The following RARS2 variants were observed in gnomAD, a reference collection of about 807,000 sequenced individuals.
RARS2 encodes the protein arginyl-tRNA synthetase 2, mitochondrial.
Under a neutral mutation model 88.5 loss-of-function variants are expected in RARS2, and 67 were observed. The observed-to-expected ratio is 0.76, with a 90% confidence interval of 0.62 to 0.93. The LOEUF is 0.93. Among genes scored for constraint, RARS2 ranks in the 40% least tolerant of loss-of-function variants. RARS2 has a pLI of 0.00. For missense variants in RARS2, 664 were observed against 684.2 expected (o/e 0.97, Z 0.33); for synonymous variants, 239 against 230.3 (o/e 1.04, Z -0.34).
In RARS2 at chr6:87,532,758, G is replaced by C. The variant is rs529387366; in HGVS notation, c.613-1816C>G. On this transcript the variant is annotated intron_variant, in intron 8 of 19. Transcript: ENST00000369536. ...GTGAATCACAGAATCGGGGGGAGGA[G>C]TGGTCTTAGGATACCTGACACATCA... Among the ~76,000 whole-genome samples the C allele has an allele frequency of 8.3e-4, 126 of 152,258 alleles. 1 individual carries two copies. Among genetic ancestry groups the C allele is most frequent in the Non-Finnish European group, 2.5e-4 (17 of 68,026 alleles).
intron 5 of RARS2, among the ~76,000 whole-genome samples, chr6:87,550,131 T>C (rs1222249273): frequency 2.0e-5 from 3 of 152,178 alleles, no homozygotes; most frequent in African/African-American, 7.2e-5. Flanking sequence ...TATTTAATCA[T>C]TGTTTAGAAA....
At chr6:87,583,675 C>T (rs139358817) in intron 1 of RARS2, among the ~76,000 whole-genome samples, 3 of 151,958 alleles carry the variant, frequency 2.0e-5, no homozygotes, top group East Asian at 3.9e-4. Flanking sequence ...ATCTACATTC[C>T]ATCATTATTT....
chr6:87,579,084 G>A (rs892102237), intron 1 of RARS2, among the ~76,000 whole-genome samples: 11 of 150,724 alleles, frequency 7.3e-5, no homozygotes, highest in Non-Finnish European at 1.0e-4. Context: ...ACATCTATAC[G>A]GTAGCTAAAT....
rs1428008906 is a variant in RARS2 at position 87,530,902 on chromosome 6, C to A, written c.653G>T (p.Ser218Ile). 6.2e-7 allele frequency: 1 copy of A among 1,614,166 alleles called. No homozygotes were observed. The highest frequency in any genetic ancestry group is 8.5e-7 in the Non-Finnish European group (1 of 1,180,018). Residue 218 changes from serine (S) to isoleucine (I), a missense_variant, in exon 9 of 20, where the codon AGT becomes ATT. By Grantham distance (142) the Ser-to-Ile change is moderately radical. Coordinates refer to ENST00000369536, the MANE Select transcript of RARS2 (RefSeq NM_020320.5). ...QVNKEAADDK[S>I]VAKAAQEFFQ... ...GAACTCCTGTGCTGCTTTTGCTACA[C>A]TTTTATCATCTGCTGCTTCTTTATT...
intron 6 of RARS2, among the ~76,000 whole-genome samples, chr6:87,547,138 T>C (rs1439049911): frequency 1.3e-5 from 2 of 152,242 alleles, no homozygotes; most frequent in African/African-American, 4.8e-5. Context: ...ACACAGCATG[T>C]TAAGTTCTCA....
At position 87,545,635 on chromosome 6, in the gene RARS2, G is replaced by A. The variant is rs140354649; in HGVS notation, c.516C>T (p.Gly172=). Residue 172 remains glycine, a synonymous_variant, in exon 7 of 20, where the codon GGC becomes GGT. Transcript: ENST00000369536. The part of the protein sequence containing the change: ...GHQVIRINYL[G]DWGMQFGLLG... ...ACTTACCAAACTGCATGCCCCAATC[G>A]CCAAGGTAATTTATTCTTATTACTT... 20 of 1,613,510 alleles carry A rather than the reference G, an allele frequency of 1.2e-5. 1 individual carries two copies. The highest frequency in any genetic ancestry group is 6.6e-5 in the South Asian group (6 of 91,068).
intron 5 of RARS2, among the ~76,000 whole-genome samples, chr6:87,552,286 T>C (rs1784574129): frequency 6.6e-6 from 1 of 152,206 alleles, no homozygotes; most frequent in Non-Finnish European, 1.5e-5. Context: ...ACCTCTCTCA[T>C]TTTCAGAAGA....
intron 5 of RARS2, among the ~76,000 whole-genome samples, chr6:87,554,876 G>T (rs1785330064): frequency 6.6e-6 from 1 of 152,136 alleles, no homozygotes; most frequent in Non-Finnish European, 1.5e-5. Flanking sequence ...GCTGAGATGG[G>T]CAGATCACGA....
At chr6:87,524,245 T>A (rs576941713) in intron 11 of RARS2, among the ~76,000 whole-genome samples, 18 of 152,140 alleles carry the variant, frequency 1.2e-4, no homozygotes, top group Non-Finnish European at 2.9e-5. Flanking sequence ...GAAAAAAAAA[T>A]GTGACATGGC....
At chr6:87,579,268 C>T (rs948150608) in intron 1 of RARS2, among the ~76,000 whole-genome samples, 4 of 152,080 alleles carry the variant, frequency 2.6e-5, no homozygotes, top group Non-Finnish European at 4.4e-5. Flanking sequence ...ACCCGCCTGG[C>T]TCCCATGTGC....
chr6:87,562,300 T>C (rs1352027247), intron 4 of RARS2, among the ~76,000 whole-genome samples: 2 of 152,212 alleles, frequency 1.3e-5, no homozygotes, highest in Non-Finnish European at 2.9e-5. Context: ...TACAAACCTG[T>C]ACAGCATGTC....
intron 11 of RARS2, among the ~76,000 whole-genome samples, chr6:87,521,831 G>A (rs945907845): frequency 6.6e-6 from 1 of 152,196 alleles, no homozygotes; most frequent in African/African-American, 2.4e-5. Flanking sequence ...TCTGGGTGAA[G>A]TGTCTTGTAG....
rs1783937669 is a variant in RARS2 at position 87,550,339 on chromosome 6, C to T, written c.396-1693G>A. ...GCAAACAAGGGGAGTCCTAGCGCTG[C>T]ACCACATTGCTGCCTTACTAGTACA... On this transcript the variant is annotated intron_variant, in intron 5 of 19. Coordinates refer to ENST00000369536, the MANE Select transcript of RARS2 (RefSeq NM_020320.5). Among the ~76,000 whole-genome samples the T allele has an allele frequency of 2.0e-5, 3 of 152,248 alleles. No individual in the cohort carries two copies. In the South Asian group the frequency reaches 6.2e-4, roughly 32 times the overall value.
chr6:87,519,184 A>ATG (rs374177464), intron 14 of RARS2: 3,238 of 224,830 alleles, frequency 0.014, 76 homozygotes, highest in African/African-American at 0.059. Context: ...ATAAATATAT[A>ATG]TGTGTGTGTG....
intron 12 of RARS2, 65 bp downstream of exon 12, chr6:87,521,399 T>C: frequency 7.9e-7 from 1 of 1,266,998 alleles, no homozygotes; most frequent in Non-Finnish European, 1.1e-6. Context: ...CAACATGGCA[T>C]CCAATTTCTA....
chr6:87,520,236 CT>C lies in RARS2; in HGVS notation c.1055del (p.Lys352SerfsTer10), dbSNP rs756696262. 3.7e-6 allele frequency: 6 copies of C among 1,611,730 alleles called. No individual in the cohort carries two copies. The highest frequency in any genetic ancestry group is 2.5e-6 in the Non-Finnish European group (3 of 1,178,430). On this transcript the variant is annotated frameshift_variant, in exon 13 of 20. Coordinates refer to ENST00000369536, the MANE Select transcript of RARS2 (RefSeq NM_020320.5). LOFTEE classifies it high-confidence loss of function. The part of the protein sequence containing the change: ...MIYVTDKGQK[K>X]HFQQVFQMLK... ...GCATTTGGAATACTTGCTGAAAATG[CT>C]TTTTTTGTCCTTTATCTGTCTTGGG...
intron 4 of RARS2, among the ~76,000 whole-genome samples, chr6:87,558,262 C>T (rs982606225): frequency 1.3e-5 from 2 of 151,832 alleles, no homozygotes; most frequent in Admixed American, 6.6e-5. Flanking sequence ...AGGCATTTCA[C>T]AGAAAATACA....
chr6:87,570,808 C>T (rs1769435576), intron 1 of RARS2, among the ~76,000 whole-genome samples: 1 of 152,140 alleles, frequency 6.6e-6, no homozygotes, highest in Non-Finnish European at 1.5e-5. Flanking sequence ...CCACCTCCGC[C>T]CCTCAAAGTG....
intron 14 of RARS2, chr6:87,519,170 A>ATG: frequency 3.6e-6 from 1 of 279,422 alleles, no homozygotes; most frequent in African/African-American, 2.7e-5. Context: ...GTGTGTATAT[A>ATG]TATATAAATA....
Sources: allele counts gnomAD v4.1 joint callset (sites outside exome capture counted in the v4.1 genomes callset), GRCh38; gene constraint gnomAD v4.1.1; transcripts MANE v1.5; gene names NCBI Gene and HGNC (gene_info 2026-07-23, HGNC 2026-07-21).